Variants in GLIS3 observed in about 807,000 individuals in gnomAD.
GLIS3 encodes zinc finger protein GLIS3.
GLIS3 carries 53 observed loss-of-function variants against 78.6 expected under a neutral mutation model. The ratio of observed to expected loss-of-function variants is 0.67; its 90% confidence interval spans 0.54 to 0.85. The LOEUF is 0.85. GLIS3 is among the 40% of genes least tolerant of loss of function. The probability of loss-of-function intolerance (pLI) is 0.00; values close to 1 mark genes in which losing one functional copy is unlikely to be tolerated. For missense variants in GLIS3, 1,703 were observed against 1,231.1 expected (o/e 1.38, Z -5.74); for synonymous variants, 684 against 509.9 (o/e 1.34, Z -4.60).
intron 2 of GLIS3, among the ~76,000 whole-genome samples, chr9:4,263,633 G>A (rs956593667): frequency 1.3e-5 from 2 of 152,186 alleles, no homozygotes; most frequent in Non-Finnish European, 2.9e-5. Context: ...CAGAGACACA[G>A]AAGTGAAAAA....
chr9:3,953,760 GCTCT>G lies in GLIS3; in HGVS notation c.1711-16575_1711-16572del, dbSNP rs71507912. Among the ~76,000 whole-genome samples, 439 of 103,240 alleles carry G rather than the reference GCTCT, an allele frequency of 4.3e-3. 4 individuals are homozygous for G. The highest frequency in any genetic ancestry group is 0.013 in the African/African-American group (364 of 26,992). 67.7% of individuals were successfully genotyped at this position (103,240 alleles called of 152,430 possible). A position where few individuals can be genotyped will look rare whatever the true frequency, so the allele number is the denominator to read the frequency against. On this transcript the variant is annotated intron_variant, in intron 4 of 10. Transcript: ENST00000381971. ...AATATTGCCAATGATAATTAGATTT[GCTCT>G]CTCTCTCTCTCTCTCTCTCTCTCTC...
At chr9:4,210,539 G>C (rs1052665116) in intron 2 of GLIS3, among the ~76,000 whole-genome samples, 2 of 152,202 alleles carry the variant, frequency 1.3e-5, no homozygotes, top group African/African-American at 4.8e-5. Flanking sequence ...CTGCTAAGCA[G>C]CAATTTTTTT....
At chr9:4,087,901 ACC>A (rs1354833138) in intron 4 of GLIS3, among the ~76,000 whole-genome samples, 2 of 152,136 alleles carry the variant, frequency 1.3e-5, no homozygotes, top group East Asian at 3.9e-4. Flanking sequence ...TACCTTGGTT[ACC>A]TCACTTCTAT....
At chr9:4,394,566 A>G in the GLIS3 span, among the ~76,000 whole-genome samples, 19,132 of 152,110 alleles carry the variant, frequency 0.13, 1,514 homozygotes, top group African/African-American at 0.22. Flanking sequence ...GTGGAAGGAA[A>G]ATTTACCTGT....
intron 2 of GLIS3, among the ~76,000 whole-genome samples, chr9:4,274,615 T>C (rs1441756615): frequency 6.6e-6 from 1 of 152,176 alleles, no homozygotes; most frequent in African/African-American, 2.4e-5. Flanking sequence ...ACTGCTCCAG[T>C]ATCCCATGGG....
chr9:3,962,704 G>T (rs1002106335), intron 4 of GLIS3, among the ~76,000 whole-genome samples: 2 of 152,250 alleles, frequency 1.3e-5, no homozygotes, highest in Non-Finnish European at 2.9e-5. Flanking sequence ...ACAAGAGAAA[G>T]GGGGGAATGT....
At chr9:4,165,585 G>A (rs1166786375) in intron 2 of GLIS3, among the ~76,000 whole-genome samples, 1 of 152,248 alleles carries the variant, frequency 6.6e-6, no homozygotes, top group Admixed American at 6.5e-5. Context: ...TACACTCCGA[G>A]TTTCACTGCA....
intron 3 of GLIS3, among the ~76,000 whole-genome samples, chr9:4,309,160 T>C (rs1225270492): frequency 6.6e-6 from 1 of 152,232 alleles, no homozygotes; most frequent in Non-Finnish European, 1.5e-5. Flanking sequence ...CTGTTCAACC[T>C]TTTGTGTATA....
chr9:4,070,283 T>A (rs1827477612), intron 4 of GLIS3, among the ~76,000 whole-genome samples: 1 of 152,156 alleles, frequency 6.6e-6, no homozygotes, highest in Non-Finnish European at 1.5e-5. Context: ...GGATAATGAT[T>A]TAATGGATAA....
chr9:4,431,157 T>C, the GLIS3 span, among the ~76,000 whole-genome samples: 1 of 152,364 alleles, frequency 6.6e-6, no homozygotes, highest in East Asian at 1.9e-4. Flanking sequence ...AGTTATTTTG[T>C]GGAGCACATT....
chr9:4,066,886 C>A (rs1244470334), intron 4 of GLIS3, among the ~76,000 whole-genome samples: 1 of 152,108 alleles, frequency 6.6e-6, no homozygotes, highest in Non-Finnish European at 1.5e-5. Context: ...AGTACCCCAG[C>A]GGGCATCTTT....
At chr9:4,165,124 A>G (rs1835779143) in intron 2 of GLIS3, among the ~76,000 whole-genome samples, 1 of 152,154 alleles carries the variant, frequency 6.6e-6, no homozygotes, top group African/African-American at 2.4e-5. Context: ...GGGGCCCTGA[A>G]ACATGGCAAA....
chr9:4,457,002 TG>T, the GLIS3 span, among the ~76,000 whole-genome samples: 1 of 152,136 alleles, frequency 6.6e-6, no homozygotes, highest in Non-Finnish European at 1.5e-5. Flanking sequence ...GAACACATGC[TG>T]TTAAAAAAAT....
chr9:4,323,146 C>T (rs895480341), intron 2 of GLIS3, among the ~76,000 whole-genome samples: 4 of 152,084 alleles, frequency 2.6e-5, no homozygotes, highest in African/African-American at 7.2e-5. Flanking sequence ...AGCCAGTTTT[C>T]CCAGCACCAT....
chr9:4,294,038 G>C (rs535005262), intron 1 of GLIS3, among the ~76,000 whole-genome samples: 1 of 152,132 alleles, frequency 6.6e-6, no homozygotes, highest in Non-Finnish European at 1.5e-5. Context: ...AGTCCAGCTC[G>C]ATGGTCTTTT....
At chr9:4,148,622 C>CGGTG (rs1834415496) in intron 2 of GLIS3, among the ~76,000 whole-genome samples, 1 of 152,072 alleles carries the variant, frequency 6.6e-6, no homozygotes, top group Non-Finnish European at 1.5e-5. Context: ...GACCCCTACC[C>CGGTG]ATCACCCCAG....
chr9:4,251,559 A>G (rs1315654348), intron 2 of GLIS3, among the ~76,000 whole-genome samples: 1 of 151,788 alleles, frequency 6.6e-6, no homozygotes, highest in Non-Finnish European at 1.5e-5. Flanking sequence ...TTGAGTCTTT[A>G]CCCAATTTGC....
chr9:3,919,021 G>T (rs2130719670), intron 6 of GLIS3, among the ~76,000 whole-genome samples: 1 of 152,292 alleles, frequency 6.6e-6, no homozygotes, highest in Middle Eastern at 3.4e-3. Context: ...GTGCCCTGAA[G>T]GATGGAATGG....
chr9:4,466,661 T>C, the GLIS3 span, among the ~76,000 whole-genome samples: 9 of 152,310 alleles, frequency 5.9e-5, no homozygotes, highest in East Asian at 1.9e-4. Flanking sequence ...GAGAACTAGG[T>C]GGAGGTTCCA....
Sources: allele counts gnomAD v4.1 joint callset (sites outside exome capture counted in the v4.1 genomes callset), GRCh38; gene constraint gnomAD v4.1.1; transcripts MANE v1.5; gene names NCBI Gene and HGNC (gene_info 2026-07-23, HGNC 2026-07-21).